The following MED17 variants were observed in gnomAD, a reference collection of about 807,000 sequenced individuals.
MED17 encodes mediator complex subunit 17, also known as mediator of RNA polymerase II transcription subunit 17.
MED17 carries 49 observed loss-of-function variants against 80.8 expected under a neutral mutation model. The observed-to-expected ratio is 0.61, with a 90% CI of 0.48 to 0.77. The LOEUF (loss-of-function observed/expected upper bound fraction) is 0.77. Among genes scored for constraint, MED17 ranks in the 30% least tolerant of loss-of-function variants. The pLI, the probability that MED17 is intolerant of heterozygous loss-of-function variation, is 0.00. For missense variants in MED17, 718 were observed against 787.0 expected (o/e 0.91, Z 1.05); for synonymous variants, 281 against 280.4 (o/e 1.00, Z -0.02).
intron 3 of MED17, among the ~76,000 whole-genome samples, chr11:93,791,761 A>C (rs768689265): frequency 7.9e-5 from 12 of 152,170 alleles, no homozygotes; most frequent in Middle Eastern, 3.2e-3. Context: ...TCTGAGAATT[A>C]AAACAAACAA....
intron 10 of MED17, chr11:93,809,180 C>CTCGGT: frequency 4.6e-6 from 1 of 215,504 alleles, no homozygotes; most frequent in South Asian, 7.9e-5. Context: ...TCGTGTAGAA[C>CTCGGT]AGTCCATCTT....
At position 93,791,098 on chromosome 11, in the gene MED17, ACT is replaced by A. The variant is rs769845221; in HGVS notation, c.637+311_637+312del. 2.2e-4 allele frequency among the ~76,000 whole-genome samples: 33 copies of A among 152,272 alleles called. 1 individual carries two copies. The highest frequency in any genetic ancestry group is 1.7e-3 in the East Asian group (9 of 5,168). On this transcript the variant is annotated intron_variant, in intron 3 of 11. Transcript: ENST00000251871. ...TCTCCAGCATGGGGGACAGAGCGAGACTCTCTCAAAAACACAAACAAAAACAA... is the reference window on the plus strand; with the variant it reads ...TCTCCAGCATGGGGGACAGAGCGAGACTCTCAAAAACACAAACAAAAACAA...
At chr11:93,799,253 G>A (rs1943936683) in intron 8 of MED17, among the ~76,000 whole-genome samples, 1 of 149,332 alleles carries the variant, frequency 6.7e-6, no homozygotes, top group African/African-American at 2.5e-5. Flanking sequence ...GCAGCTCACT[G>A]CAAGCTCTGC....
intron 8 of MED17, chr11:93,801,010 T>C (rs192787078): frequency 2.0e-4 from 31 of 152,298 alleles, no homozygotes; most frequent in African/African-American, 7.2e-4. Context: ...AAATGATTTA[T>C]GCTTTGGTTC....
At chr11:93,791,089 C>G (rs1943831613) in intron 3 of MED17, among the ~76,000 whole-genome samples, 1 of 152,164 alleles carries the variant, frequency 6.6e-6, no homozygotes, top group African/African-American at 2.4e-5. Flanking sequence ...GCATGGGGGA[C>G]AGAGCGAGAC....
chr11:93,803,999 GTATATA>G (rs1166820708), intron 9 of MED17, among the ~76,000 whole-genome samples: 3 of 27,130 alleles, frequency 1.1e-4, no homozygotes, highest in African/African-American at 2.8e-4. Flanking sequence ...ATATGTGTGT[GTATATA>G]TATATATATA....
chr11:93,804,646 G>A (rs1944005516), intron 9 of MED17, among the ~76,000 whole-genome samples: 1 of 151,974 alleles, frequency 6.6e-6, no homozygotes, highest in South Asian at 2.1e-4. Context: ...AACCCTACCT[G>A]TCTTACAGAG....
At position 93,794,967 on chromosome 11, in the gene MED17, A is replaced by G. The variant is rs1943884617; in HGVS notation, c.919A>G (p.Ile307Val). Residue 307 changes from isoleucine to valine, a missense_variant, in exon 6 of 12, where the codon ATT becomes GTT. By Grantham distance (29) the Ile-to-Val change is conservative (BLOSUM62 3). Transcript: ENST00000251871. ...ACAGAATGTTCTCTTATGTAAAGAA[A>G]TTTTTGCACAGCTCTCTCGGGAAGC... is the stretch of plus-strand genomic sequence containing the variant. Reference protein sequence around the residue: ...AAQNVLLCKEIFAQLSREAVQ... With the variant: ...AAQNVLLCKEVFAQLSREAVQ... The G allele has an allele frequency of 1.9e-6, 3 of 1,614,038 alleles. No homozygotes were observed. The highest frequency in any genetic ancestry group is 1.7e-6 in the Non-Finnish European group (2 of 1,180,016).
intron 7 of MED17, 132 bp downstream of exon 7, chr11:93,796,672 T>G (rs1943906520): frequency 9.2e-7 from 1 of 1,082,646 alleles, no homozygotes; most frequent in African/African-American, 1.5e-5. Flanking sequence ...ATGTGAAAGA[T>G]CCTTGCTGTG....
Position 93,805,840 on chromosome 11 carries a change from T to G in MED17, c.1467-1678T>G, listed in dbSNP as rs1944017985. Among the ~76,000 whole-genome samples the G allele has an allele frequency of 2.6e-5, 4 of 151,988 alleles. No individual in the cohort carries two copies. In the South Asian group the frequency reaches 8.4e-4, roughly 32 times the overall value. On this transcript the variant is annotated intron_variant, in intron 9 of 11. Transcript: ENST00000251871. ...TAAGCCAGGCATGGTTGCACACACC[T>G]GAAGTCCCAGCTTCTCAGGAGGCTG...
intron 6 of MED17, 29 bp from the exon 7 acceptor site, chr11:93,796,381 A>G: frequency 3.2e-6 from 5 of 1,583,760 alleles, no homozygotes; most frequent in Non-Finnish European, 4.3e-6. Flanking sequence ...CAGGTTATTT[A>G]CATATGTCCT....
rs1203407262 is a variant in MED17 at position 93,812,601 on chromosome 11, G to C, written c.*537G>C. The stretch of plus-strand genomic sequence containing the variant: ...CCACAGGCATGCACAACCACGCCTG[G>C]CTAATTTTTGTATTTTTTATAAAGA... On this transcript the variant is annotated 3_prime_UTR_variant, in exon 12 of 12. Transcript: ENST00000251871. 5.7e-5 allele frequency: 9 copies of C among 158,372 alleles called. No homozygotes were observed. The highest frequency in any genetic ancestry group is 9.7e-5 in the Non-Finnish European group (7 of 72,394). 9.8% of individuals were successfully genotyped at this position (158,372 alleles called of 1,614,324 possible). A position where few individuals can be genotyped will look rare whatever the true frequency, so the allele number is the denominator to read the frequency against.
intron 1 of MED17, among the ~76,000 whole-genome samples, chr11:93,786,869 T>TTTACC (rs1176647250): frequency 6.6e-6 from 1 of 152,194 alleles, no homozygotes; most frequent in African/African-American, 2.4e-5. Context: ...ATTCAAGATG[T>TTTACC]TTACCACTGC....
In MED17 at chr11:93,790,783, C is replaced by A. The variant is rs1943826905; in HGVS notation, c.627C>A (p.Tyr209Ter). The A allele has an allele frequency of 6.2e-7, 1 of 1,613,686 alleles. No homozygotes were observed. Among genetic ancestry groups the A allele is most frequent in the East Asian group, 2.2e-5 (1 of 44,890 alleles). Residue 209 changes from tyrosine to a stop codon, truncating the protein, a stop_gained, in exon 3 of 12, where the codon TAC (tyrosine) becomes TAA (stop). Transcript: ENST00000251871. LOFTEE classifies it high-confidence loss of function. ...VGDKILGDLSYRSAGSLFPHH... is the reference protein window; with the variant it reads ...VGDKILGDLS Reference sequence around the variant, plus strand: ...ATAAAATTCTCGGAGATCTGAGCTACAGAAGTGCAGGTATGAATAATTATT... The same window carrying A: ...ATAAAATTCTCGGAGATCTGAGCTAAAGAAGTGCAGGTATGAATAATTATT...
At chr11:93,809,679 C>G in intron 10 of MED17, 38 bp from the exon 11 acceptor site, 1 of 1,612,188 alleles carries the variant, frequency 6.2e-7, no homozygotes, top group Non-Finnish European at 8.5e-7. Flanking sequence ...GCAGATATCT[C>G]TGCTGACTGT....
At chr11:93,804,013 A>ATGTG (rs1565293248) in intron 9 of MED17, among the ~76,000 whole-genome samples, 1 of 22,324 alleles carries the variant, frequency 4.5e-5, no homozygotes, top group Non-Finnish European at 1.3e-4. Flanking sequence ...ATATATATAT[A>ATGTG]TATATATATA....
At position 93,794,013 on chromosome 11, in the gene MED17, A is replaced by G; in HGVS notation, c.837A>G (p.Arg279=). 2 of 1,613,836 alleles carry G rather than the reference A, an allele frequency of 1.2e-6. No individual in the cohort carries two copies. Among genetic ancestry groups the G allele is most frequent in the Non-Finnish European group, 1.7e-6 (2 of 1,179,852 alleles). ...TCGGCACAGTTAACCTCTTCAAACGACCTTTGCCCAAATCCAAACCAGGTA... is the reference window on the plus strand; with the variant it reads ...TCGGCACAGTTAACCTCTTCAAACGGCCTTTGCCCAAATCCAAACCAGGTA... ...GDLGTVNLFK[R]PLPKSKPGSP... The change falls in exon 5 of 12, where the codon CGA becomes CGG. Residue 279 remains arginine, a synonymous_variant. Transcript: ENST00000251871.
At chr11:93,791,130 T>C (rs1943832251) in intron 3 of MED17, among the ~76,000 whole-genome samples, 1 of 152,168 alleles carries the variant, frequency 6.6e-6, no homozygotes, top group Non-Finnish European at 1.5e-5. Context: ...AAACAATGCT[T>C]TCTGTGTAAG....
At chr11:93,801,552 G>A (rs1943961895) in intron 8 of MED17, 2 of 373,752 alleles carry the variant, frequency 5.4e-6, no homozygotes, top group Admixed American at 8.2e-5. Context: ...TTTCTGAGTG[G>A]AAGAAAATGA....
Sources: gnomAD v4.1 joint callset for allele counts (sites outside exome capture counted in the v4.1 genomes callset) on GRCh38, gnomAD v4.1.1 for gene constraint, MANE v1.5 for transcripts, NCBI Gene and HGNC (gene_info 2026-07-23, HGNC 2026-07-21) for gene names.